RBFOX1: variants seen among roughly 807,000 people sequenced by gnomAD.
RBFOX1 encodes RNA binding protein fox-1 homolog 1.
Under a neutral mutation model 57.7 loss-of-function variants are expected in RBFOX1, and 8 were observed. The observed-to-expected ratio is 0.14, with a 90% CI of 0.08 to 0.25. The LOEUF (loss-of-function observed/expected upper bound fraction) is 0.25. Among genes scored for constraint, RBFOX1 ranks in the 10% least tolerant of loss-of-function variants. The pLI, the probability that RBFOX1 is intolerant of heterozygous loss-of-function variation, is 1.00. For synonymous variants in RBFOX1, 326 were observed against 222.4 expected (o/e 1.47, Z -4.15); for missense variants, 611 against 548.5 (o/e 1.11, Z -1.14).
At chr16:5,538,210 C>T (rs1184634266) in intron 2 of RBFOX1, among the ~76,000 whole-genome samples, 2 of 152,150 alleles carry the variant, frequency 1.3e-5, no homozygotes, top group East Asian at 3.9e-4. Context: ...CTGAAGTTGT[C>T]AGATCAATAT....
chr16:6,521,522 CCTCCCTCCTTCCT>C (rs1379030363), intron 2 of RBFOX1, among the ~76,000 whole-genome samples: 1 of 144,172 alleles, frequency 6.9e-6, no homozygotes, highest in Non-Finnish European at 1.5e-5. Context: ...TTCGCTTTTC[CCTCCCTCCTTCCT>C]CTCCTCTCCT....
chr16:6,865,522 C>G lies in RBFOX1; in HGVS notation c.-15-186535C>G, dbSNP rs192995389. Among the ~76,000 whole-genome samples the G allele has an allele frequency of 3.7e-4, 56 of 152,150 alleles. 1 individual carries two copies. The highest frequency in any genetic ancestry group is 1.3e-3 in the African/African-American group (55 of 41,510). On this transcript the variant is annotated intron_variant, in intron 3 of 15. Coordinates refer to ENST00000550418, the MANE Select transcript of RBFOX1 (RefSeq NM_018723.4). Reference sequence around the variant, plus strand: ...TATTTAACACATGGTTAATGACTTGCTACTATGCTGCAGGAATTGTATCAG... The same window carrying G: ...TATTTAACACATGGTTAATGACTTGGTACTATGCTGCAGGAATTGTATCAG...
At chr16:6,544,762 C>G (rs2096871913) in intron 2 of RBFOX1, among the ~76,000 whole-genome samples, 1 of 152,180 alleles carries the variant, frequency 6.6e-6, no homozygotes, top group Non-Finnish European at 1.5e-5. Context: ...TAACACTCCT[C>G]TCTCAAAGAT....
intron 2 of RBFOX1, among the ~76,000 whole-genome samples, chr16:6,631,713 G>A (rs912400250): frequency 6.6e-6 from 1 of 152,130 alleles, no homozygotes; most frequent in Non-Finnish European, 1.5e-5. Flanking sequence ...ATTGCTGGCT[G>A]GGGGAAGAGC....
intron 2 of RBFOX1, among the ~76,000 whole-genome samples, chr16:6,334,499 T>C (rs1315901293): frequency 9.7e-6 from 1 of 103,516 alleles, no homozygotes; most frequent in Non-Finnish European, 1.8e-5. Context: ...CAGAGCAAGA[T>C]AGCATCTCAA....
intron 1 of RBFOX1, among the ~76,000 whole-genome samples, chr16:5,276,088 G>A (rs542243381): frequency 6.6e-6 from 1 of 152,174 alleles, no homozygotes; most frequent in African/African-American, 2.4e-5. Context: ...AATTCTTGAA[G>A]ATAACATTGG....
At chr16:6,816,676 C>G (rs1224891193) in intron 3 of RBFOX1, among the ~76,000 whole-genome samples, 1 of 147,606 alleles carries the variant, frequency 6.8e-6, no homozygotes, top group Non-Finnish European at 1.5e-5. Flanking sequence ...GGAGGTGGAG[C>G]TTGCAGTGAG....
At chr16:6,061,877 C>G (rs1012382234) in intron 1 of RBFOX1, among the ~76,000 whole-genome samples, 2 of 152,084 alleles carry the variant, frequency 1.3e-5, no homozygotes, top group African/African-American at 2.4e-5. Context: ...GAGATAGCAT[C>G]AGATCCCACA....
chr16:6,135,050 G>C (rs2096657044), intron 1 of RBFOX1, among the ~76,000 whole-genome samples: 1 of 151,976 alleles, frequency 6.6e-6, no homozygotes, highest in African/African-American at 2.4e-5. Context: ...CTGTGTCCAA[G>C]TGTTCTCGTT....
chr16:6,952,624 C>A (rs1350344871), intron 3 of RBFOX1, among the ~76,000 whole-genome samples: 1 of 151,682 alleles, frequency 6.6e-6, no homozygotes, highest in African/African-American at 2.4e-5. Context: ...GGCAACAGAG[C>A]AAGACTCTGT....
At position 6,480,144 on chromosome 16, in the gene RBFOX1, A is replaced by G. The variant is rs374750048; in HGVS notation, c.-64+163087A>G. ...GAAAAGAGGAAGGAGACTAGTTTTT[A>G]CCTGAGTTTGAGAGCTCCTTTTGTT... On this transcript the variant is annotated intron_variant, in intron 2 of 15. Transcript: ENST00000550418. 1.2e-3 allele frequency among the ~76,000 whole-genome samples: 188 copies of G among 151,832 alleles called. 1 individual carries two copies. The highest frequency in any genetic ancestry group is 4.3e-3 in the African/African-American group (178 of 41,434).
intron 4 of RBFOX1, among the ~76,000 whole-genome samples, chr16:7,157,126 C>T (rs552751008): frequency 2.6e-5 from 4 of 152,130 alleles, no homozygotes; most frequent in African/African-American, 7.2e-5. Flanking sequence ...AGAAAGCAAT[C>T]GTATTCTCAT....
chr16:6,773,888 TTGTG>T lies in RBFOX1; in HGVS notation c.-16+119241_-16+119244del, dbSNP rs991032906. 31 of 916,042 alleles carry T rather than the reference TTGTG, an allele frequency of 3.4e-5. No homozygotes were observed. The African/African-American group carries it at 4.3e-4, about 13-fold the overall frequency. 56.7% of individuals were successfully genotyped at this position (916,042 alleles called of 1,614,324 possible). The stretch of plus-strand genomic sequence containing the variant: ...GTAGGGTGCGTTTGTCTGTGTGTAT[TTGTG>T]TGGGCATGGAGTGCATTTGCGTTGC... On this transcript the variant is annotated intron_variant, in intron 3 of 15. Coordinates refer to ENST00000550418, the MANE Select transcript of RBFOX1 (RefSeq NM_018723.4).
At chr16:5,511,841 G>A (rs1330774862) in intron 2 of RBFOX1, among the ~76,000 whole-genome samples, 1 of 152,196 alleles carries the variant, frequency 6.6e-6, no homozygotes, top group African/African-American at 2.4e-5. Flanking sequence ...GACCAGAAGG[G>A]TGACTGAGTT....
chr16:5,700,196 G>A (rs1489147171), intron 3 of RBFOX1, among the ~76,000 whole-genome samples: 2 of 152,116 alleles, frequency 1.3e-5, no homozygotes, highest in Non-Finnish European at 2.9e-5. Context: ...TTTGAAGTCA[G>A]CATTTAAAAA....
chr16:7,081,936 C>A (rs1034403501), intron 4 of RBFOX1, among the ~76,000 whole-genome samples: 1 of 152,076 alleles, frequency 6.6e-6, no homozygotes, highest in East Asian at 1.9e-4. Context: ...TGGAGTTTCT[C>A]CTAAAGGAGA....
At chr16:6,605,301 A>G (rs1199026373) in intron 2 of RBFOX1, among the ~76,000 whole-genome samples, 1 of 152,214 alleles carries the variant, frequency 6.6e-6, no homozygotes, top group Non-Finnish European at 1.5e-5. Context: ...GCCAAATAGC[A>G]TCTATACTTC....
At position 6,777,789 on chromosome 16, in the gene RBFOX1, G is replaced by A. The variant is rs1227430523; in HGVS notation, c.-16+123139G>A. Among the ~76,000 whole-genome samples, 7 of 152,164 alleles carry A rather than the reference G, an allele frequency of 4.6e-5. No homozygotes were observed. In the East Asian group the frequency reaches 9.7e-4, roughly 21 times the overall value. ...ATATGATGAGAAAACACAAGGGGAG[G>A]TTTGTGTTTTGCACCTTGTCATCAA... On this transcript the variant is annotated intron_variant, in intron 3 of 15. Coordinates refer to ENST00000550418, the MANE Select transcript of RBFOX1 (RefSeq NM_018723.4).
At chr16:6,523,187 C>G (rs373149176) in intron 2 of RBFOX1, among the ~76,000 whole-genome samples, 48 of 152,274 alleles carry the variant, frequency 3.2e-4, no homozygotes, top group African/African-American at 1.2e-3. Flanking sequence ...ACTCATCTCT[C>G]TCTTCTCAGC....
Sources: allele counts gnomAD v4.1 joint callset (sites outside exome capture counted in the v4.1 genomes callset), GRCh38; gene constraint gnomAD v4.1.1; transcripts MANE v1.5; gene names NCBI Gene and HGNC (gene_info 2026-07-23, HGNC 2026-07-21).